The following ANKRD46 variants were observed in gnomAD, a reference collection of about 807,000 sequenced individuals.
ANKRD46 encodes ankyrin repeat domain-containing protein 46.
ANKRD46 carries 13 observed loss-of-function variants against 19.8 expected under a neutral mutation model. The ratio of observed to expected loss-of-function variants is 0.66; its 90% confidence interval spans 0.43 to 1.04. The LOEUF (loss-of-function observed/expected upper bound fraction) is 1.04, where lower values mean the gene tolerates loss of function less well. ANKRD46 is among the 50% of genes least tolerant of loss of function. The pLI is 0.00. For missense variants in ANKRD46, 185 were observed against 274.8 expected, an observed-to-expected ratio of 0.67 and a Z score of 2.31; for synonymous variants, 91 against 106.9, an observed-to-expected ratio of 0.85 and a Z score of 0.92.
At chr8:100,553,030 GA>G (rs1812425346) in intron 1 of ANKRD46, among the ~76,000 whole-genome samples, 1 of 152,236 alleles carries the variant, frequency 6.6e-6, no homozygotes, top group Non-Finnish European at 1.5e-5. Flanking sequence ...GAAGTGCACT[GA>G]TATTTAACTC....
chr8:100,530,113 A>G (rs557489910), intron 2 of ANKRD46, among the ~76,000 whole-genome samples: 1 of 152,330 alleles, frequency 6.6e-6, no homozygotes, highest in South Asian at 2.1e-4. Flanking sequence ...CCATGTAAAA[A>G]GATTAAGAGA....
chr8:100,546,083 T>C lies in ANKRD46; in HGVS notation c.-130-12772A>G, dbSNP rs1356690433. 3.3e-5 allele frequency among the ~76,000 whole-genome samples: 5 copies of C among 152,202 alleles called. No homozygotes were observed. The South Asian group carries it at 6.2e-4, about 19-fold the overall frequency. On this transcript the variant is annotated intron_variant, in intron 1 of 4. Coordinates refer to ENST00000335659, the MANE Select transcript of ANKRD46 (RefSeq NM_001270377.2). The surrounding 1 kb of genome is among the most constrained non-coding windows in gnomAD (Gnocchi z 4.0). ...TTAAAAGCGAAGCAGAGCATAAAAGTTTGGAAATTTGCAGCCTGACTGGTA... is the reference window on the plus strand; with the variant it reads ...TTAAAAGCGAAGCAGAGCATAAAAGCTTGGAAATTTGCAGCCTGACTGGTA...
At chr8:100,523,973 C>T (rs1013455146) in intron 4 of ANKRD46, among the ~76,000 whole-genome samples, 1 of 152,198 alleles carries the variant, frequency 6.6e-6, no homozygotes, top group Non-Finnish European at 1.5e-5. Context: ...ATAGTTTCTT[C>T]CTATTGGTGT....
At chr8:100,553,913 C>G (rs761316542) in intron 1 of ANKRD46, among the ~76,000 whole-genome samples, 6 of 152,182 alleles carry the variant, frequency 3.9e-5, no homozygotes, top group Non-Finnish European at 8.8e-5. Flanking sequence ...GGAAAGGTAG[C>G]TAAATAAACC....
At chr8:100,523,857 T>C (rs1047771284) in intron 4 of ANKRD46, among the ~76,000 whole-genome samples, 41 of 152,204 alleles carry the variant, frequency 2.7e-4, no homozygotes, top group Non-Finnish European at 7.3e-5. Context: ...TTGCCCAGGC[T>C]GGTCTTGAAC....
In ANKRD46 at chr8:100,525,907, T is replaced by A. The variant is rs1399558406; in HGVS notation, c.470+1938A>T. On this transcript the variant is annotated intron_variant, in intron 4 of 4. Transcript: ENST00000335659. The surrounding 1 kb of genome is among the most constrained non-coding windows in gnomAD (Gnocchi z 4.4). ...ACATCCTCCAGAGCACTTGTTATTA[T>A]CTATCTTTTTAATTGCAGCTATCCT... is the stretch of plus-strand genomic sequence containing the variant. 1.3e-5 allele frequency among the ~76,000 whole-genome samples: 2 copies of A among 152,198 alleles called. No homozygotes were observed. Among genetic ancestry groups the A allele is most frequent in the Non-Finnish European group, 2.9e-5 (2 of 68,032 alleles).
chr8:100,550,918 G>T lies in ANKRD46; in HGVS notation c.-131+8793C>A. 1.7e-6 allele frequency: 1 copy of T among 594,498 alleles called. No homozygotes were observed. The highest frequency in any genetic ancestry group is 3.1e-6 in the Non-Finnish European group (1 of 320,966). 36.8% of individuals were successfully genotyped at this position (594,498 alleles called of 1,614,324 possible). A position where few individuals can be genotyped will look rare whatever the true frequency, so the allele number is the denominator to read the frequency against. ...GTGTAGCCCAAGATGCCCTTGAGGG[G>T]CCCTCTGACGCCTGCTTCACCACCT... On this transcript the variant is annotated intron_variant, in intron 1 of 4. Transcript: ENST00000335659. This position sits in a 1 kb window ranked among gnomAD's most constrained non-coding sequence, Gnocchi z 4.4.
Position 100,545,145 on chromosome 8 carries a change from T to C in ANKRD46, c.-130-11834A>G, listed in dbSNP as rs190685935. Among the ~76,000 whole-genome samples, 610 of 152,268 alleles carry C rather than the reference T, an allele frequency of 4.0e-3. 9 individuals carry two copies. The highest frequency in any genetic ancestry group is 3.4e-3 in the Middle Eastern group (1 of 294). Reference sequence around the variant, plus strand: ...TTCGAGACAAGCCTGGGCAACACAGTGAGACCTTGTCTCTAAAATATACAT... The same window carrying C: ...TTCGAGACAAGCCTGGGCAACACAGCGAGACCTTGTCTCTAAAATATACAT... On this transcript the variant is annotated intron_variant, in intron 1 of 4. Coordinates refer to ENST00000335659, the MANE Select transcript of ANKRD46 (RefSeq NM_001270377.2). The surrounding 1 kb of genome is among the most constrained non-coding windows in gnomAD (Gnocchi z 4.7).
intron 4 of ANKRD46, among the ~76,000 whole-genome samples, chr8:100,523,886 C>T (rs1346349255): frequency 6.6e-6 from 1 of 152,194 alleles, no homozygotes; most frequent in Non-Finnish European, 1.5e-5. Context: ...TTAGGTGATC[C>T]ACCTGCCTTG....
downstream of ANKRD46, among the ~76,000 whole-genome samples, chr8:100,519,694 C>T (rs535496638): frequency 7.9e-4 from 121 of 152,208 alleles, 1 homozygote; most frequent in African/African-American, 2.8e-3. Flanking sequence ...GGCTTCTACA[C>T]GAAGTGGTAA....
At position 100,514,617 on chromosome 8, in the gene ANKRD46, CTTTTTT is replaced by C. The variant is rs35216029; in HGVS notation, c.637-3984_637-3979del. Among the ~76,000 whole-genome samples the C allele has an allele frequency of 4.2e-4, 31 of 74,062 alleles. 1 individual carries two copies. The highest frequency in any genetic ancestry group is 1.7e-4 in the African/African-American group (3 of 17,842). The allele number at this position is 74,062 out of a possible 152,430, so 48.6% of individuals were successfully genotyped here. ...TGAGTGTGGGTTATTCCTCCATCTT[CTTTTTT>C]TTTTTTTTTTTTTTTTGAGATAGAG... On this transcript the variant is annotated intron_variant, in intron 5 of 5. Coordinates refer to the ANKRD46 transcript ENST00000520552.
At position 100,525,099 on chromosome 8, in the gene ANKRD46, G is replaced by A. The variant is rs896222477; in HGVS notation, c.471-2328C>T. Among the ~76,000 whole-genome samples, 1 of 152,220 alleles carries A rather than the reference G, an allele frequency of 6.6e-6. No homozygotes were observed. The highest frequency in any genetic ancestry group is 6.5e-5 in the Admixed American group (1 of 15,290). On this transcript the variant is annotated intron_variant, in intron 4 of 4. Transcript: ENST00000335659. The surrounding 1 kb of genome is among the most constrained non-coding windows in gnomAD (Gnocchi z 4.4). ...CCCTTATAAGGCCTGCAGAAGTTGT[G>A]CTGTCTTGGGGGAATCCTAAGAGAA...
chr8:100,535,747 T>C (rs1468992370), intron 1 of ANKRD46, among the ~76,000 whole-genome samples: 1 of 152,212 alleles, frequency 6.6e-6, no homozygotes, highest in Non-Finnish European at 1.5e-5. Flanking sequence ...GTTTGTCCCT[T>C]TTTTATCCAT....
Position 100,510,639 on chromosome 8 carries a change from T to C in ANKRD46, c.637A>G (p.Arg213Gly). Residue 213 changes from arginine to glycine, a missense_variant and splice_region_variant, in exon 6 of 6, where the codon AGA (arginine) becomes GGA (glycine). Physicochemically the swap from Arg to Gly is moderately radical, Grantham distance 125. Transcript: ENST00000520552. This position sits in a 1 kb window ranked among gnomAD's most constrained non-coding sequence, Gnocchi z 4.9. ...AAGCTTCCAAGCCTCAGTGTCCTTC[T>C]CTGTAAATGTGGGGAAGACAGATTA... is the stretch of plus-strand genomic sequence containing the variant. 1 of 1,534,020 alleles carries C rather than the reference T, an allele frequency of 6.5e-7. No individual in the cohort carries two copies. Among genetic ancestry groups the C allele is most frequent in the South Asian group, 1.2e-5 (1 of 83,856 alleles).
At chr8:100,513,375 G>T (rs1314462144) in intron 5 of ANKRD46, among the ~76,000 whole-genome samples, 1 of 152,210 alleles carries the variant, frequency 6.6e-6, no homozygotes, top group Non-Finnish European at 1.5e-5. Context: ...GATAATAACA[G>T]TATCAACCCT....
chr8:100,550,672 A>G lies in ANKRD46; in HGVS notation c.-131+9039T>C. Reference sequence around the variant, plus strand: ...CATGGCAGGGACTGCCCAGAAGCTGAAGGTCTCTTTCTTCCTCTTGTGCTC... The same window carrying G: ...CATGGCAGGGACTGCCCAGAAGCTGGAGGTCTCTTTCTTCCTCTTGTGCTC... On this transcript the variant is annotated intron_variant, in intron 1 of 4. Transcript: ENST00000335659. This position sits in a 1 kb window ranked among gnomAD's most constrained non-coding sequence, Gnocchi z 4.4. The G allele has an allele frequency of 3.5e-6, 1 of 284,996 alleles. No homozygotes were observed. The highest frequency in any genetic ancestry group is 6.9e-6 in the Non-Finnish European group (1 of 145,254). 17.7% of individuals were successfully genotyped at this position (284,996 alleles called of 1,614,324 possible). A position where few individuals can be genotyped will look rare whatever the true frequency, so the allele number is the denominator to read the frequency against.
intron 1 of ANKRD46, among the ~76,000 whole-genome samples, chr8:100,535,410 T>C (rs1812046088): frequency 6.6e-6 from 1 of 152,232 alleles, no homozygotes; most frequent in Non-Finnish European, 1.5e-5. Flanking sequence ...CTTTATCCAG[T>C]TTCCCCCAAT....
intron 1 of ANKRD46, among the ~76,000 whole-genome samples, chr8:100,541,134 T>C (rs1413108038): frequency 6.6e-6 from 1 of 151,284 alleles, no homozygotes; most frequent in African/African-American, 2.4e-5. Flanking sequence ...TGGGATGAAG[T>C]TCAATTTTCC....
chr8:100,550,793 G>A lies in ANKRD46; in HGVS notation c.-131+8918C>T, dbSNP rs1258692113. ...CAAATTCACTGTTGTACGAGGAAAT[G>A]AGCTTGACAAAGTGGTCACTGAGGG... On this transcript the variant is annotated intron_variant, in intron 1 of 4. Transcript: ENST00000335659. This position sits in a 1 kb window ranked among gnomAD's most constrained non-coding sequence, Gnocchi z 4.4. 9 of 460,374 alleles carry A rather than the reference G, an allele frequency of 2.0e-5. No homozygotes were observed. The Admixed American group carries it at 2.2e-4, about 11-fold the overall frequency. The allele number at this position is 460,374 out of a possible 1,614,324, so 28.5% of individuals were successfully genotyped here.
Sources: allele counts gnomAD v4.1 joint callset (sites outside exome capture counted in the v4.1 genomes callset), GRCh38; gene constraint gnomAD v4.1.1; non-coding constraint Gnocchi (gnomAD v3.1); transcripts MANE v1.5; gene names NCBI Gene and HGNC (gene_info 2026-07-23, HGNC 2026-07-21).